DESI2: variants seen among roughly 807,000 people sequenced by gnomAD.
DESI2 encodes desumoylating isopeptidase 2.
A neutral mutation model predicts 24.1 loss-of-function variants in DESI2; 10 were observed. The ratio of observed to expected loss-of-function variants is 0.41; its 90% CI spans 0.26 to 0.70. The LOEUF is 0.70. Among genes scored for constraint, DESI2 ranks in the 30% least tolerant of loss-of-function variants. The pLI, the probability that DESI2 is intolerant of heterozygous loss-of-function variation, is 0.29. For missense variants in DESI2, 122 were observed against 234.9 expected, an observed-to-expected ratio of 0.52 and a Z score of 3.14; for synonymous variants, 71 against 87.7, an observed-to-expected ratio of 0.81 and a Z score of 1.06.
intron 1 of DESI2, among the ~76,000 whole-genome samples, chr1:244,663,874 C>T (rs548873760): frequency 2.0e-5 from 3 of 151,896 alleles, no homozygotes; most frequent in African/African-American, 7.3e-5. Flanking sequence ...AAAAATTAGC[C>T]AGGCGTGGTG....
At chr1:244,669,735 A>G (rs1676181039) in intron 1 of DESI2, among the ~76,000 whole-genome samples, 2 of 152,150 alleles carry the variant, frequency 1.3e-5, no homozygotes. Flanking sequence ...CAGAGGAGGT[A>G]AGTGTGTATT....
chr1:244,676,882 A>G (rs1431969404), intron 1 of DESI2, among the ~76,000 whole-genome samples: 2 of 146,220 alleles, frequency 1.4e-5, no homozygotes, highest in Non-Finnish European at 3.0e-5. Flanking sequence ...TGGGATGATC[A>G]TGGGGATTTT....
At chr1:244,666,223 A>G (rs981671569) in intron 1 of DESI2, among the ~76,000 whole-genome samples, 2 of 152,108 alleles carry the variant, frequency 1.3e-5, no homozygotes, top group African/African-American at 2.4e-5. Context: ...TCATCCTTCC[A>G]CCACCACTGT....
chr1:244,680,396 C>A (rs1382603232), intron 1 of DESI2, among the ~76,000 whole-genome samples: 1 of 151,824 alleles, frequency 6.6e-6, no homozygotes, highest in Non-Finnish European at 1.5e-5. Context: ...GGCCACTGCA[C>A]TCCAGCCTGG....
At chr1:244,696,750 G>A (rs570109344) in intron 4 of DESI2, among the ~76,000 whole-genome samples, 8 of 152,332 alleles carry the variant, frequency 5.3e-5, no homozygotes, top group South Asian at 2.1e-4. Context: ...TGGCATCTGC[G>A]AGCTTGGACT....
At chr1:244,681,139 A>T (rs1478279647) in intron 1 of DESI2, among the ~76,000 whole-genome samples, 1 of 152,118 alleles carries the variant, frequency 6.6e-6, no homozygotes, top group African/African-American at 2.4e-5. Flanking sequence ...CTCACCTTAC[A>T]CATTTTTGCC....
chr1:244,655,136 G>T (rs1675602808), intron 1 of DESI2, among the ~76,000 whole-genome samples: 1 of 152,208 alleles, frequency 6.6e-6, no homozygotes, highest in Admixed American at 6.5e-5. Flanking sequence ...TTTTCGAAGG[G>T]AGGACTGTTC....
rs776627228 is a variant in DESI2, at chr1:244,705,739, G to A, written c.535G>A (p.Val179Met). 3.4e-5 allele frequency: 55 copies of A among 1,613,486 alleles called. No homozygotes were observed. The highest frequency in any genetic ancestry group is 4.0e-5 in the Non-Finnish European group (47 of 1,180,044). The change falls in exon 5 of 5, where the codon GTG becomes ATG. Residue 179 changes from valine to methionine, a missense_variant. By Grantham distance (21) the Val-to-Met change is conservative. Around this residue, in one of 6 missense-constraint regions of DESI2, gnomAD observed 56 missense variants for 67.9 expected, o/e 0.82. Transcript: ENST00000302550. ...EAEDAAASASVASTAAGSRPG... is the reference protein window; with the variant it reads ...EAEDAAASASMASTAAGSRPG... The stretch of plus-strand genomic sequence containing the variant: ...AGAGGATGCTGCCGCATCCGCTTCC[G>A]TGGCAAGCACTGCAGCAGGCTCCAG...
At chr1:244,681,302 A>G (rs1409998888) in intron 1 of DESI2, among the ~76,000 whole-genome samples, 2 of 152,086 alleles carry the variant, frequency 1.3e-5, no homozygotes, top group African/African-American at 4.8e-5. Context: ...TCCCGTTACG[A>G]TCCAGTACCA....
intron 4 of DESI2, among the ~76,000 whole-genome samples, chr1:244,695,237 C>T (rs1377251908): frequency 6.6e-6 from 1 of 152,200 alleles, no homozygotes; most frequent in Non-Finnish European, 1.5e-5. Flanking sequence ...CCTACCCTTC[C>T]AAAAGCAGCC....
rs752720549 is a variant in DESI2, at chr1:244,708,195, C to T, written c.*2406C>T. 28 of 152,298 alleles carry T rather than the reference C, an allele frequency of 1.8e-4. No individual in the cohort carries two copies. The highest frequency in any genetic ancestry group is 3.2e-4 in the Non-Finnish European group (22 of 68,046). The allele number at this position is 152,298 out of a possible 1,614,324, so 9.4% of individuals were successfully genotyped here. A position where few individuals can be genotyped will look rare whatever the true frequency, so the allele number is the denominator to read the frequency against. On this transcript the variant is annotated 3_prime_UTR_variant, in exon 5 of 5. Transcript: ENST00000302550. ...TCTGGTCATTAACATACATATGATA[C>T]GGAGTCTCTTTGTTGTCACCAAGTG...
rs142299270 is a variant in DESI2 at position 244,653,350 on chromosome 1, G to C, written c.37G>C (p.Asp13His). ...CCAGTTAGTGGTGCTCAACGTGTACGACATGGTGAGTGCGGCCCCTGGCGG... is the reference window on the plus strand; with the variant it reads ...CCAGTTAGTGGTGCTCAACGTGTACCACATGGTGAGTGCGGCCCCTGGCGG... Reference protein sequence around the residue: ...ANQLVVLNVYDMYWMNEYTSS... With the variant: ...ANQLVVLNVYHMYWMNEYTSS... Residue 13 changes from aspartate (D) to histidine (H), a missense_variant, in exon 1 of 5, where the codon GAC (aspartate) becomes CAC (histidine). Around this residue, in one of 6 missense-constraint regions of DESI2, gnomAD observed 15 missense variants for 18.5 expected, o/e 0.81. Transcript: ENST00000302550. The C allele has an allele frequency of 1.3e-6, 2 of 1,544,116 alleles. No individual in the cohort carries two copies. The highest frequency in any genetic ancestry group is 1.4e-5 in the African/African-American group (1 of 69,410).
chr1:244,684,390 T>G lies in DESI2; in HGVS notation c.43-2207T>G, dbSNP rs138914876. ...CGTGTACTCCTCTCGGCCAAATTGT[T>G]AACAGTTGAACACAGGTGCTTCAGA... On this transcript the variant is annotated intron_variant, in intron 1 of 4. Transcript: ENST00000302550. Among the ~76,000 whole-genome samples the G allele has an allele frequency of 1.1e-3, 165 of 152,324 alleles. 3 individuals carry two copies. The highest frequency in any genetic ancestry group is 6.8e-3 in the Middle Eastern group (2 of 294).
chr1:244,701,637 C>T (rs1199520297), intron 4 of DESI2, among the ~76,000 whole-genome samples: 3 of 152,168 alleles, frequency 2.0e-5, no homozygotes, highest in Non-Finnish European at 4.4e-5. Flanking sequence ...TAACTCCTTT[C>T]TTCCTTCCAT....
rs35832039 is a variant in DESI2 at position 244,701,904 on chromosome 1, CA to C, written c.352-3647del. 3.3e-5 allele frequency among the ~76,000 whole-genome samples: 5 copies of C among 152,252 alleles called. No homozygotes were observed. The South Asian group carries it at 1.0e-3, about 32-fold the overall frequency. ...GGTTAATTTTAGTCTTTTGCTGTTACAAAAAGTGTTGTAATGAATAACCCTG... is the reference window on the plus strand; with the variant it reads ...GGTTAATTTTAGTCTTTTGCTGTTACAAAAGTGTTGTAATGAATAACCCTG... On this transcript the variant is annotated intron_variant, in intron 4 of 4. Transcript: ENST00000302550.
At chr1:244,681,419 G>C (rs1245117589) in intron 1 of DESI2, among the ~76,000 whole-genome samples, 1 of 151,710 alleles carries the variant, frequency 6.6e-6, no homozygotes, top group Non-Finnish European at 1.5e-5. Context: ...CTCTCTACTA[G>C]AGCATAGCAG....
chr1:244,695,469 T>C (rs1456799872), intron 4 of DESI2, among the ~76,000 whole-genome samples: 1 of 152,126 alleles, frequency 6.6e-6, no homozygotes, highest in East Asian at 1.9e-4. Flanking sequence ...CTGGCCAACA[T>C]GTTGAAACCT....
At chr1:244,694,551 G>T in intron 4 of DESI2, 1 of 783,486 alleles carries the variant, frequency 1.3e-6, no homozygotes, top group Non-Finnish European at 2.3e-6. Flanking sequence ...AGTCCCAGTG[G>T]TATTTTGTCT....
intron 2 of DESI2, among the ~76,000 whole-genome samples, chr1:244,688,832 A>G (rs1676915039): frequency 6.6e-6 from 1 of 152,228 alleles, no homozygotes; most frequent in African/African-American, 2.4e-5. Context: ...CCCAGAAACC[A>G]TGAAACTCAC....
Sources: allele counts gnomAD v4.1 joint callset (sites outside exome capture counted in the v4.1 genomes callset), GRCh38; gene constraint gnomAD v4.1.1; regional missense constraint gnomAD v4.1.1; transcripts MANE v1.5; gene names NCBI Gene and HGNC (gene_info 2026-07-23, HGNC 2026-07-21).